FBXL17: variants seen among roughly 807,000 people sequenced by gnomAD.
FBXL17 encodes F-box/LRR-repeat protein 17.
Under a neutral mutation model 66.2 loss-of-function variants are expected in FBXL17, and 22 were observed. That is an observed-to-expected ratio of 0.33 (90% CI 0.24 to 0.47). The LOEUF is 0.47. Ranked by LOEUF, FBXL17 falls within the 20% of genes least tolerant of loss-of-function variation. FBXL17 has a pLI of 1.00. For synonymous variants in FBXL17, 474 were observed against 400.5 expected, an observed-to-expected ratio of 1.18 and a Z score of -2.19; for missense variants, 878 against 948.2, an observed-to-expected ratio of 0.93 and a Z score of 0.97.
intron 4 of FBXL17, among the ~76,000 whole-genome samples, chr5:108,311,234 C>T (rs183699605): frequency 2.6e-5 from 4 of 151,896 alleles, no homozygotes; most frequent in African/African-American, 4.8e-5. Flanking sequence ...TGCAATGGCG[C>T]GATCTCAGCT....
intron 6 of FBXL17, among the ~76,000 whole-genome samples, chr5:108,039,597 A>G (rs1007171002): frequency 1.3e-5 from 2 of 152,138 alleles, no homozygotes; most frequent in Admixed American, 1.3e-4. Flanking sequence ...AAATATTCAT[A>G]GTCAATATTA....
At chr5:107,961,187 C>CT (rs1486509947) in intron 7 of FBXL17, among the ~76,000 whole-genome samples, 1 of 151,728 alleles carries the variant, frequency 6.6e-6, no homozygotes, top group Admixed American at 6.6e-5. Flanking sequence ...CTTTTCTTTT[C>CT]TTTCTTTCTT....
At chr5:108,224,372 C>A (rs1018371373) in intron 4 of FBXL17, 144 bp from the exon 5 acceptor site, 30 of 459,204 alleles carry the variant, frequency 6.5e-5, no homozygotes, top group African/African-American at 5.4e-4. Flanking sequence ...TACAAACATG[C>A]TATAATATTC....
chr5:107,975,785 A>G (rs540425039), intron 7 of FBXL17, among the ~76,000 whole-genome samples: 14 of 152,164 alleles, frequency 9.2e-5, no homozygotes, highest in African/African-American at 3.1e-4. Flanking sequence ...TGGAATCTAA[A>G]CCAATCTACA....
Position 108,224,098 on chromosome 5 carries a change from G to GGAAAA in FBXL17, c.1614+18_1614+22dup, listed in dbSNP as rs769802009. On this transcript the variant is annotated intron_variant, in intron 5 of 8. Coordinates refer to ENST00000542267, the MANE Select transcript of FBXL17 (RefSeq NM_001163315.3). ...CCTGTATGATACTCAAAAATACCAA[G>GGAAAA]GAAAAGCAGCCATAGTACCTACCTT... The GGAAAA allele has an allele frequency of 6.8e-6, 9 of 1,313,914 alleles. No homozygotes were observed. In the African/African-American group the frequency reaches 1.3e-4, roughly 19 times the overall value. 81.4% of individuals were successfully genotyped at this position (1,313,914 alleles called of 1,614,324 possible).
intron 8 of FBXL17, chr5:107,880,284 G>T: frequency 1.3e-6 from 1 of 774,228 alleles, no homozygotes; most frequent in Non-Finnish European, 1.6e-6. Flanking sequence ...TTCCCATGTT[G>T]TCCAGGCTGG....
At chr5:108,166,439 T>C (rs1261024376) in intron 6 of FBXL17, among the ~76,000 whole-genome samples, 1 of 152,234 alleles carries the variant, frequency 6.6e-6, no homozygotes, top group African/African-American at 2.4e-5. Flanking sequence ...TAGACGTTTC[T>C]AAGCTCCAAA....
chr5:108,188,607 C>A (rs571052090), intron 5 of FBXL17, among the ~76,000 whole-genome samples: 43 of 152,282 alleles, frequency 2.8e-4, no homozygotes, highest in African/African-American at 9.6e-4. Flanking sequence ...CCAAAGCACA[C>A]AGGAACGGAC....
intron 6 of FBXL17, among the ~76,000 whole-genome samples, chr5:108,144,030 A>G (rs1751464872): frequency 5.3e-5 from 8 of 152,204 alleles, no homozygotes; most frequent in Admixed American, 5.2e-4. Flanking sequence ...AAAATACAAT[A>G]GCAACTCACA....
chr5:107,927,809 T>G (rs188571815), intron 7 of FBXL17, among the ~76,000 whole-genome samples: 49 of 152,230 alleles, frequency 3.2e-4, no homozygotes, highest in Non-Finnish European at 6.6e-4. Context: ...TGCTGACTGG[T>G]ATTCTACATG....
intron 4 of FBXL17, among the ~76,000 whole-genome samples, chr5:108,268,942 C>T (rs1478944850): frequency 6.6e-6 from 1 of 151,932 alleles, no homozygotes; most frequent in Non-Finnish European, 1.5e-5. Flanking sequence ...GACCCAAAGA[C>T]TCAATTAGAG....
chr5:107,977,457 G>A (rs1420302523), intron 7 of FBXL17, among the ~76,000 whole-genome samples: 1 of 152,164 alleles, frequency 6.6e-6, no homozygotes, highest in African/African-American at 2.4e-5. Context: ...ACTGGGGCTC[G>A]GAAAAGGTTA....
chr5:107,947,141 C>T (rs116030386), intron 7 of FBXL17, among the ~76,000 whole-genome samples: 59 of 152,268 alleles, frequency 3.9e-4, no homozygotes, highest in African/African-American at 1.4e-3. Flanking sequence ...ACGGGCTGAT[C>T]AGAAAATGAT....
rs1301706784 is a variant in FBXL17, at chr5:108,381,749, G to T, written c.-58C>A. 1 of 1,377,492 alleles carries T rather than the reference G, an allele frequency of 7.3e-7. No homozygotes were observed. The highest frequency in any genetic ancestry group is 1.5e-5 in the African/African-American group (1 of 65,414). 85.3% of individuals were successfully genotyped at this position (1,377,492 alleles called of 1,614,324 possible). ...GAGGGAGGGAGACCCAGAGAGGCGGGCTCCCGGCAGCGGGGCAGGCCGCTC... is the reference window on the plus strand; with the variant it reads ...GAGGGAGGGAGACCCAGAGAGGCGGTCTCCCGGCAGCGGGGCAGGCCGCTC... On this transcript the variant is annotated 5_prime_UTR_variant, in exon 1 of 9. Transcript: ENST00000542267.
chr5:107,995,557 TTG>T (rs774159933), intron 7 of FBXL17, among the ~76,000 whole-genome samples: 13 of 151,692 alleles, frequency 8.6e-5, no homozygotes, highest in African/African-American at 2.7e-4. Flanking sequence ...TTATAAGAGT[TTG>T]TGTGTGTGTG....
chr5:108,112,937 C>T (rs911186762), intron 6 of FBXL17, among the ~76,000 whole-genome samples: 3 of 149,576 alleles, frequency 2.0e-5, no homozygotes, highest in African/African-American at 7.3e-5. Flanking sequence ...CTCACTGGTC[C>T]CAAACTTTTT....
chr5:108,234,909 T>C (rs1755529570), intron 4 of FBXL17, among the ~76,000 whole-genome samples: 1 of 152,212 alleles, frequency 6.6e-6, no homozygotes, highest in Non-Finnish European at 1.5e-5. Context: ...GGAAAGCTCT[T>C]CTATAAATTT....
At chr5:108,101,640 A>T (rs1017310307) in intron 6 of FBXL17, among the ~76,000 whole-genome samples, 1 of 152,246 alleles carries the variant, frequency 6.6e-6, no homozygotes, top group Non-Finnish European at 1.5e-5. Flanking sequence ...AGAGGAGAAA[A>T]TGTTTATAAT....
At chr5:108,050,783 A>C (rs1468175038) in intron 6 of FBXL17, among the ~76,000 whole-genome samples, 2 of 152,056 alleles carry the variant, frequency 1.3e-5, no homozygotes, top group Non-Finnish European at 2.9e-5. Context: ...TTTTTGAAAA[A>C]ATTAACAAAG....
Sources: allele counts gnomAD v4.1 joint callset (sites outside exome capture counted in the v4.1 genomes callset), GRCh38; gene constraint gnomAD v4.1.1; transcripts MANE v1.5; gene names NCBI Gene and HGNC (gene_info 2026-07-23, HGNC 2026-07-21).